The following GYG1 variants were observed in gnomAD, a reference collection of about 807,000 sequenced individuals.
GYG1 encodes glycogenin-1.
A neutral mutation model predicts 41.9 loss-of-function variants in GYG1; 44 were observed. The observed-to-expected ratio is 1.05, with a 90% CI of 0.83 to 1.35. The LOEUF is 1.35. Among genes scored for constraint, GYG1 ranks in the 40% most tolerant of loss-of-function variants. GYG1 has a pLI of 0.00. For missense variants in GYG1, 429 were observed against 418.9 expected, an observed-to-expected ratio of 1.02 and a Z score of -0.21; for synonymous variants, 141 against 158.1, an observed-to-expected ratio of 0.89 and a Z score of 0.81.
chr3:149,025,346 GA>G (rs1291244186), intron 6 of GYG1, among the ~76,000 whole-genome samples: 2 of 152,112 alleles, frequency 1.3e-5, no homozygotes, highest in South Asian at 2.1e-4. Flanking sequence ...GCTTCTATGA[GA>G]ATCTAACCAC....
At chr3:149,000,858 G>A (rs1023413109) in intron 4 of GYG1, 18 of 152,128 alleles carry the variant, frequency 1.2e-4, no homozygotes, top group African/African-American at 4.1e-4. Flanking sequence ...CAGAATATTA[G>A]GTATGATTTA....
chr3:149,008,793 G>A (rs1474197721), intron 4 of GYG1: 5 of 179,490 alleles, frequency 2.8e-5, no homozygotes, highest in East Asian at 2.9e-4. Context: ...GATATTTGTC[G>A]AATTAATGAG....
chr3:149,024,622 G>T (rs1396341582), intron 6 of GYG1, among the ~76,000 whole-genome samples: 1 of 152,208 alleles, frequency 6.6e-6, no homozygotes. Context: ...TTTAGGAACT[G>T]CAAACATTTA....
At chr3:149,024,536 A>G (rs1056345974) in intron 6 of GYG1, among the ~76,000 whole-genome samples, 1 of 152,248 alleles carries the variant, frequency 6.6e-6, no homozygotes, top group African/African-American at 2.4e-5. Flanking sequence ...TAGAATTCTT[A>G]GCCCATTCTC....
chr3:149,030,745 C>T lies in GYG1; in HGVS notation c.*3812C>T, dbSNP rs1000425379. 2 of 152,184 alleles carry T rather than the reference C, an allele frequency of 1.3e-5. No homozygotes were observed. The highest frequency in any genetic ancestry group is 2.9e-5 in the Non-Finnish European group (2 of 68,038). The allele number at this position is 152,184 out of a possible 1,614,324, so 9.4% of individuals were successfully genotyped here. ...GAAAGGTCTTGGTTTTGATGAAAATCAGCCCTTTCCTTACCTGCTACTGCC... is the reference window on the plus strand; with the variant it reads ...GAAAGGTCTTGGTTTTGATGAAAATTAGCCCTTTCCTTACCTGCTACTGCC... On this transcript the variant is annotated 3_prime_UTR_variant, in exon 8 of 8. Transcript: ENST00000345003.
intron 2 of GYG1, among the ~76,000 whole-genome samples, chr3:148,995,198 A>AT (rs576728042): frequency 5.3e-5 from 8 of 152,212 alleles, no homozygotes; most frequent in Non-Finnish European, 1.2e-4. Context: ...CAACAGAGTG[A>AT]GACTCTGTCT....
In GYG1 at chr3:149,029,599, C is replaced by T. The variant is rs1479275052; in HGVS notation, c.*2666C>T. 6.6e-6 allele frequency among the ~76,000 whole-genome samples: 1 copy of T among 152,128 alleles called. No individual in the cohort carries two copies. Among genetic ancestry groups the T allele is most frequent in the Non-Finnish European group, 1.5e-5 (1 of 68,026 alleles). ...TGTTAAGAGCCAAACATCAAATGTG[C>T]CCTTATATTTTTAATGAATCTCATC... On this transcript the variant is annotated 3_prime_UTR_variant, in exon 8 of 8. Coordinates refer to ENST00000345003, the MANE Select transcript of GYG1 (RefSeq NM_004130.4).
intron 4 of GYG1, among the ~76,000 whole-genome samples, chr3:149,004,277 CT>C (rs995518770): frequency 2.0e-5 from 3 of 152,316 alleles, no homozygotes; most frequent in Non-Finnish European, 4.4e-5. Context: ...TTATCTTAAC[CT>C]GTCAGATTAG....
At chr3:149,013,521 T>C (rs771510125) in intron 5 of GYG1, among the ~76,000 whole-genome samples, 1 of 152,234 alleles carries the variant, frequency 6.6e-6, no homozygotes, top group African/African-American at 2.4e-5. Flanking sequence ...CCCAATACTT[T>C]CCATATAAAT....
At chr3:149,025,920 A>G (rs1038565943) in intron 6 of GYG1, among the ~76,000 whole-genome samples, 1 of 152,184 alleles carries the variant, frequency 6.6e-6, no homozygotes, top group African/African-American at 2.4e-5. Flanking sequence ...CACAGCCCCC[A>G]TATTGTGAAC....
intron 4 of GYG1, among the ~76,000 whole-genome samples, chr3:148,997,782 C>T (rs1712893498): frequency 6.6e-6 from 1 of 152,230 alleles, no homozygotes; most frequent in Admixed American, 6.5e-5. Flanking sequence ...GCCTCACTAT[C>T]AGATATGTGA....
rs2107915879 is a variant in GYG1, at chr3:149,019,127, T to C, written c.609-4926T>C. On this transcript the variant is annotated intron_variant, in intron 5 of 7. Coordinates refer to ENST00000345003, the MANE Select transcript of GYG1 (RefSeq NM_004130.4). Reference sequence around the variant, plus strand: ...AATACCTAATGCATCTAAAAGCATTTCCATTCCTTACTGGACAGAAACAGG... The same window carrying C: ...AATACCTAATGCATCTAAAAGCATTCCCATTCCTTACTGGACAGAAACAGG... Among the ~76,000 whole-genome samples the C allele has an allele frequency of 2.0e-5, 3 of 151,926 alleles. No individual in the cohort carries two copies. In the South Asian group the frequency reaches 6.3e-4, roughly 32 times the overall value.
chr3:149,024,254 C>G lies in GYG1; in HGVS notation c.810C>G (p.Thr270=), dbSNP rs1229260430. The change falls in exon 6 of 8, where the codon ACC becomes ACG. Residue 270 remains threonine, a synonymous_variant. Coordinates refer to ENST00000345003, the MANE Select transcript of GYG1 (RefSeq NM_004130.4). ...AACAATTTGGCCTTGTCAAAGACACCTGCTCATATGTAAATGTGGTAGGTT... is the reference window on the plus strand; with the variant it reads ...AACAATTTGGCCTTGTCAAAGACACGTGCTCATATGTAAATGTGGTAGGTT... ...LLQQFGLVKD[T]CSYVNVLSDL... is the part of the protein sequence containing the mutation. 1.9e-6 allele frequency: 3 copies of G among 1,602,594 alleles called. No homozygotes were observed. The highest frequency in any genetic ancestry group is 2.6e-6 in the Non-Finnish European group (3 of 1,169,460).
At chr3:148,994,026 A>C (rs1712642683) in intron 1 of GYG1, 116 bp from the exon 2 acceptor site, 4 of 878,802 alleles carry the variant, frequency 4.6e-6, no homozygotes, top group Non-Finnish European at 3.8e-6. Flanking sequence ...ATTCATAGAG[A>C]AAGTTGATGT....
At chr3:149,002,084 G>A (rs1404473434) in intron 4 of GYG1, among the ~76,000 whole-genome samples, 1 of 152,102 alleles carries the variant, frequency 6.6e-6, no homozygotes, top group Non-Finnish European at 1.5e-5. Flanking sequence ...AGTGTTTTAT[G>A]GAGTCTAGAT....
Position 148,996,299 on chromosome 3 carries a change from C to T in GYG1, c.144-3C>T, listed in dbSNP as rs1712780721. ...TGTGGTATTCTGGATTTTATTTTGA[C>T]AGAAAAGTTTTAGAGACAGTCTTTG... is the stretch of plus-strand genomic sequence containing the variant. On this transcript the variant is annotated splice_polypyrimidine_tract_variant and splice_region_variant and intron_variant, in intron 2 of 7. Transcript: ENST00000345003. The T allele has an allele frequency of 1.9e-6, 3 of 1,607,454 alleles. No individual in the cohort carries two copies. Among genetic ancestry groups the T allele is most frequent in the Middle Eastern group, 2.3e-4 (1 of 4,434 alleles).
chr3:148,998,523 C>G (rs775756190), intron 4 of GYG1, among the ~76,000 whole-genome samples: 13 of 152,194 alleles, frequency 8.5e-5, no homozygotes, highest in Admixed American at 3.3e-4. Context: ...TCTCTACATG[C>G]TCTAAAACAG....
intron 4 of GYG1, chr3:149,009,014 C>G (rs1713564709): frequency 2.7e-6 from 1 of 377,168 alleles, no homozygotes; most frequent in South Asian, 2.8e-5. Context: ...CAAAAAATTG[C>G]CTGACGTGGT....
intron 4 of GYG1, among the ~76,000 whole-genome samples, chr3:149,005,345 A>G (rs529627026): frequency 4.6e-5 from 7 of 152,272 alleles, no homozygotes; most frequent in Admixed American, 6.5e-5. Flanking sequence ...TATTACACCA[A>G]TCCCCTAATG....
Sources: allele counts gnomAD v4.1 joint callset (sites outside exome capture counted in the v4.1 genomes callset), GRCh38; gene constraint gnomAD v4.1.1; transcripts MANE v1.5; gene names NCBI Gene and HGNC (gene_info 2026-07-23, HGNC 2026-07-21).